HELLS: variants seen among roughly 807,000 people sequenced by gnomAD.
HELLS encodes helicase, lymphoid specific.
A neutral mutation model predicts 120.0 loss-of-function variants in HELLS; 32 were observed. That is an observed-to-expected ratio of 0.27 (90% confidence interval 0.20 to 0.36). The LOEUF (loss-of-function observed/expected upper bound fraction) is 0.36. Ranked by LOEUF, HELLS falls within the 10% of genes least tolerant of loss-of-function variation. HELLS has a pLI of 1.00. For synonymous variants in HELLS, 341 were observed against 323.4 expected (o/e 1.05, Z -0.58); for missense variants, 650 against 993.4 (o/e 0.65, Z 4.65).
intron 13 of HELLS, among the ~76,000 whole-genome samples, chr10:94,589,833 C>T (rs977862285): frequency 6.6e-6 from 1 of 151,730 alleles, no homozygotes; most frequent in Non-Finnish European, 1.5e-5. Context: ...ACTACAGTCG[C>T]CCGCCACCAC....
At chr10:94,562,664 T>G in intron 4 of HELLS, 27 bp from the exon 5 acceptor site, 1 of 1,515,156 alleles carries the variant, frequency 6.6e-7, no homozygotes, top group Non-Finnish European at 9.0e-7. Context: ...CTTAATAAAA[T>G]CAATATTCTG....
At chr10:94,550,485 T>C (rs1192832298) in intron 2 of HELLS, among the ~76,000 whole-genome samples, 2 of 151,960 alleles carry the variant, frequency 1.3e-5, no homozygotes, top group African/African-American at 4.8e-5. Flanking sequence ...TTTCAACATA[T>C]TGGCCGGCCT....
At chr10:94,547,676 G>C (rs960304271) in intron 2 of HELLS, among the ~76,000 whole-genome samples, 6 of 152,064 alleles carry the variant, frequency 3.9e-5, no homozygotes, top group African/African-American at 1.4e-4. Context: ...ATAAACAATT[G>C]CTATTATTGA....
intron 21 of HELLS, among the ~76,000 whole-genome samples, chr10:94,601,172 T>C (rs1257832371): frequency 6.6e-6 from 1 of 152,180 alleles, no homozygotes; most frequent in Non-Finnish European, 1.5e-5. Flanking sequence ...CGAATCGTGA[T>C]TGGGCCTCTT....
At chr10:94,592,591 T>C (rs1845546371) in intron 17 of HELLS, 77 bp downstream of exon 17, 2 of 961,604 alleles carry the variant, frequency 2.1e-6, no homozygotes, top group African/African-American at 1.7e-5. Context: ...ATATTCCAAA[T>C]AGACCCACAA....
At chr10:94,561,905 T>C (rs1398383032) in intron 4 of HELLS, among the ~76,000 whole-genome samples, 1 of 151,942 alleles carries the variant, frequency 6.6e-6, no homozygotes, top group African/African-American at 2.4e-5. Flanking sequence ...ATACCCTACC[T>C]ATTGAAGGGT....
chr10:94,607,552 A>G (rs1846141445), intron 8 of HELLS, among the ~76,000 whole-genome samples: 3 of 152,222 alleles, frequency 2.0e-5, no homozygotes, highest in South Asian at 4.1e-4. Flanking sequence ...TATAAAAAAT[A>G]CTTTTTGGCT....
chr10:94,594,737 A>G lies in HELLS; in HGVS notation c.2131A>G (p.Ile711Val). The G allele has an allele frequency of 6.2e-7, 1 of 1,613,992 alleles. No individual in the cohort carries two copies. Among genetic ancestry groups the G allele is most frequent in the Non-Finnish European group, 8.5e-7 (1 of 1,179,870 alleles). Residue 711 changes from isoleucine to valine, a missense_variant, in exon 19 of 22, where the codon ATT becomes GTT. Ile to Val is a conservative substitution (Grantham distance 29, BLOSUM62 3). Around this residue, in one of 9 missense-constraint regions of HELLS, gnomAD observed 22 missense variants for 78.2 expected, o/e 0.28. Coordinates refer to ENST00000348459, the MANE Select transcript of HELLS (RefSeq NM_018063.5). ...TCAGGCCCAGGATAGATGTCATAGA[A>G]TTGGTCAGACAAAGCCAGTTGTTGT... The part of the protein sequence containing the change: ...DLQAQDRCHR[I>V]GQTKPVVVYR...
At chr10:94,611,146 G>A (rs1021147523) in exon 10 of HELLS, 5 of 152,108 alleles carry the variant, frequency 3.3e-5, no homozygotes, top group African/African-American at 4.8e-5. Context: ...TGATTTCTTC[G>A]TTTTTGTACT....
intron 9 of HELLS, among the ~76,000 whole-genome samples, chr10:94,576,421 A>T (rs1157076049): frequency 6.6e-6 from 1 of 151,286 alleles, no homozygotes; most frequent in Non-Finnish European, 1.5e-5. Context: ...CAAAGTGTTG[A>T]GATTATAGGT....
chr10:94,564,673 G>A (rs1005662922), intron 6 of HELLS, among the ~76,000 whole-genome samples: 3 of 151,704 alleles, frequency 2.0e-5, no homozygotes, highest in Non-Finnish European at 4.4e-5. Context: ...GTGCAGTGGC[G>A]CGATCTCGGC....
At chr10:94,609,141 C>T (rs1846161137) in intron 9 of HELLS, among the ~76,000 whole-genome samples, 1 of 150,374 alleles carries the variant, frequency 6.7e-6, no homozygotes, top group Non-Finnish European at 1.5e-5. Flanking sequence ...CTCCTGCCTC[C>T]ATCTTCCGAG....
chr10:94,578,101 A>C (rs923120361), intron 10 of HELLS, among the ~76,000 whole-genome samples: 225 of 150,770 alleles, frequency 1.5e-3, no homozygotes, highest in African/African-American at 5.3e-3. Flanking sequence ...AAAAAAATAC[A>C]AAAATTAGCT....
chr10:94,586,364 G>A (rs748757776), intron 12 of HELLS, among the ~76,000 whole-genome samples: 3 of 152,078 alleles, frequency 2.0e-5, no homozygotes, highest in Admixed American at 6.5e-5. Flanking sequence ...CTCGTGATCC[G>A]CCTGCCTTGG....
intron 15 of HELLS, among the ~76,000 whole-genome samples, chr10:94,591,125 C>G (rs75836190): frequency 2.0e-5 from 3 of 152,182 alleles, no homozygotes; most frequent in African/African-American, 7.2e-5. Context: ...AGAGCCACCA[C>G]GCTTGGCCTC....
At chr10:94,580,110 T>A in intron 10 of HELLS, among the ~76,000 whole-genome samples, 1 of 95,844 alleles carries the variant, frequency 1.0e-5, no homozygotes, top group African/African-American at 4.3e-5. Flanking sequence ...ACATACCCAT[T>A]ATAAAAGTAT....
At chr10:94,613,848 G>T (rs1846218479) in exon 10 of HELLS, 1 of 152,098 alleles carries the variant, frequency 6.6e-6, no homozygotes, top group Non-Finnish European at 1.5e-5. Flanking sequence ...TCTGATTATT[G>T]AGGGTAAATT....
chr10:94,555,826 C>T (rs1310622034), intron 3 of HELLS, among the ~76,000 whole-genome samples: 1 of 152,086 alleles, frequency 6.6e-6, no homozygotes, highest in Non-Finnish European at 1.5e-5. Context: ...ACAGTTTTGC[C>T]ATGTTGCCGA....
At position 94,588,304 on chromosome 10, in the gene HELLS, G is replaced by A. The variant is rs1333262815; in HGVS notation, c.1402G>A (p.Val468Ile). Residue 468 changes from valine (V) to isoleucine (I), a missense_variant, in exon 13 of 22, where the codon GTT becomes ATT. Transcript: ENST00000348459. ...AGTTCCTCCTAAACGAGAAGTAGTCGTTTATGCTCCACTTTCAAAGAAGCA... is the reference window on the plus strand; with the variant it reads ...AGTTCCTCCTAAACGAGAAGTAGTCATTTATGCTCCACTTTCAAAGAAGCA... Reference protein sequence around the residue: ...LEVPPKREVVVYAPLSKKQEI... With the variant: ...LEVPPKREVVIYAPLSKKQEI... 3 of 1,611,278 alleles carry A rather than the reference G, an allele frequency of 1.9e-6. No individual in the cohort carries two copies. The highest frequency in any genetic ancestry group is 1.7e-6 in the Non-Finnish European group (2 of 1,177,896).
Sources: gnomAD v4.1 joint callset for allele counts (sites outside exome capture counted in the v4.1 genomes callset) on GRCh38, gnomAD v4.1.1 for gene constraint, gnomAD v4.1.1 regional missense constraint, MANE v1.5 for transcripts, NCBI Gene and HGNC (gene_info 2026-07-23, HGNC 2026-07-21) for gene names.